Variants in WDR7 observed in about 807,000 individuals in gnomAD.
WDR7 encodes WD repeat-containing protein 7.
A neutral mutation model predicts 169.4 loss-of-function variants in WDR7; 46 were observed. The observed-to-expected ratio is 0.27, with a 90% confidence interval of 0.21 to 0.35. The LOEUF is 0.35. Ranked by LOEUF, WDR7 falls within the 10% of genes least tolerant of loss-of-function variation. The probability of loss-of-function intolerance (pLI) is 1.00; values close to 1 mark genes in which losing one functional copy is unlikely to be tolerated. For missense variants in WDR7, 1,534 were observed against 1,859.3 expected (o/e 0.83, Z 3.22); for synonymous variants, 612 against 666.8 (o/e 0.92, Z 1.27).
chr18:56,762,652 A>G (rs2043996061), intron 16 of WDR7, among the ~76,000 whole-genome samples: 1 of 151,702 alleles, frequency 6.6e-6, no homozygotes, highest in South Asian at 2.1e-4. Context: ...TTTTTGCTTC[A>G]TCAGTCTTAC....
intron 26 of WDR7, among the ~76,000 whole-genome samples, chr18:56,965,330 A>G (rs1298830182): frequency 6.6e-6 from 1 of 152,118 alleles, no homozygotes; most frequent in African/African-American, 2.4e-5. Flanking sequence ...CCCATGACTG[A>G]GAGACTGAAG....
chr18:56,791,640 A>G (rs2044486887), intron 19 of WDR7, among the ~76,000 whole-genome samples: 1 of 152,190 alleles, frequency 6.6e-6, no homozygotes, highest in African/African-American at 2.4e-5. Flanking sequence ...GTCTTAATCT[A>G]AAGAGCCATG....
chr18:56,995,863 T>A (rs1286470747), intron 26 of WDR7, among the ~76,000 whole-genome samples: 1 of 152,200 alleles, frequency 6.6e-6, no homozygotes, highest in Non-Finnish European at 1.5e-5. Context: ...CAAGGCATTG[T>A]CATGGAGATA....
In WDR7 at chr18:56,908,832, T is replaced by C. The variant is rs895338469; in HGVS notation, c.3527-15090T>C. Among the ~76,000 whole-genome samples, 9 of 152,200 alleles carry C rather than the reference T, an allele frequency of 5.9e-5. No homozygotes were observed. The South Asian group carries it at 8.3e-4, about 14-fold the overall frequency. On this transcript the variant is annotated intron_variant, in intron 21 of 27. Coordinates refer to ENST00000254442, the MANE Select transcript of WDR7 (RefSeq NM_015285.3). ...CTCTTTCCTTCCCATCATTCAATCA[T>C]TGCACTGTTTTTTCTTAGTTTGATA...
chr18:56,893,556 C>A (rs117049146), intron 21 of WDR7, among the ~76,000 whole-genome samples: 2,117 of 152,082 alleles, frequency 0.014, 30 homozygotes, highest in East Asian at 0.036. Context: ...GAGTCCAAGT[C>A]TATTTTGTTT....
At chr18:56,821,341 T>C (rs1200198525) in intron 20 of WDR7, among the ~76,000 whole-genome samples, 1 of 152,174 alleles carries the variant, frequency 6.6e-6, no homozygotes, top group Non-Finnish European at 1.5e-5. Flanking sequence ...TTGAAGTAGA[T>C]ACTAATATAT....
chr18:56,818,569 G>T (rs1394259483), intron 20 of WDR7, among the ~76,000 whole-genome samples: 6 of 152,158 alleles, frequency 3.9e-5, no homozygotes, highest in Non-Finnish European at 5.9e-5. Flanking sequence ...TCCTTACCAT[G>T]TTGTCAAAGC....
At chr18:56,856,865 T>A (rs2045729448) in intron 20 of WDR7, among the ~76,000 whole-genome samples, 2 of 152,294 alleles carry the variant, frequency 1.3e-5, no homozygotes, top group South Asian at 4.1e-4. Context: ...CCACAGCTAT[T>A]CTAAAAGTTT....
At chr18:56,724,409 A>G (rs942328589) in intron 13 of WDR7, among the ~76,000 whole-genome samples, 8 of 151,576 alleles carry the variant, frequency 5.3e-5, no homozygotes, top group African/African-American at 1.9e-4. Context: ...GGGGGGTTTC[A>G]TCATGTTTGC....
chr18:56,898,486 G>A (rs1322771826), intron 21 of WDR7, among the ~76,000 whole-genome samples: 4 of 152,024 alleles, frequency 2.6e-5, no homozygotes, highest in Non-Finnish European at 1.5e-5. Context: ...ACTGTAATTC[G>A]TTAGCTTAAA....
At chr18:56,739,836 C>T (rs2043587797) in intron 14 of WDR7, among the ~76,000 whole-genome samples, 1 of 147,628 alleles carries the variant, frequency 6.8e-6, no homozygotes, top group Non-Finnish European at 1.5e-5. Context: ...CTATTTTTCC[C>T]TTGTTTTTTA....
At chr18:56,723,713 G>A (rs552788872) in intron 13 of WDR7, among the ~76,000 whole-genome samples, 7 of 152,022 alleles carry the variant, frequency 4.6e-5, no homozygotes, top group Admixed American at 1.3e-4. Flanking sequence ...TATTGGATCC[G>A]TGGCTGTGTA....
chr18:56,682,980 C>T, intron 5 of WDR7, 127 bp downstream of exon 5: 1 of 1,005,638 alleles, frequency 9.9e-7, no homozygotes, highest in Non-Finnish European at 1.4e-6. Flanking sequence ...ATAACTACAC[C>T]AATAATTTAT....
intron 25 of WDR7, among the ~76,000 whole-genome samples, chr18:56,953,194 A>G (rs765583607): frequency 7.2e-5 from 11 of 152,314 alleles, no homozygotes; most frequent in Non-Finnish European, 1.5e-4. Flanking sequence ...ATTTTAAAAC[A>G]TCTCTAAAAA....
chr18:56,840,599 TC>T (rs1180545869), intron 20 of WDR7, among the ~76,000 whole-genome samples: 1 of 152,098 alleles, frequency 6.6e-6, no homozygotes, highest in Non-Finnish European at 1.5e-5. Context: ...GGCAGGTGGA[TC>T]ATTTGAGCCC....
chr18:56,785,410 T>C (rs2044383430), intron 19 of WDR7, among the ~76,000 whole-genome samples: 1 of 152,200 alleles, frequency 6.6e-6, no homozygotes, highest in African/African-American at 2.4e-5. Flanking sequence ...ATACCACCCA[T>C]CAGATATTTT....
intron 13 of WDR7, 77 bp from the exon 14 acceptor site, chr18:56,731,306 A>C (rs2026581033): frequency 6.7e-7 from 1 of 1,493,050 alleles, no homozygotes; most frequent in African/African-American, 1.4e-5. Context: ...AAAAATTTTC[A>C]TACCATTTTT....
At chr18:57,017,441 T>C (rs201868112) in intron 26 of WDR7, among the ~76,000 whole-genome samples, 1 of 133,888 alleles carries the variant, frequency 7.5e-6, no homozygotes, top group Non-Finnish European at 1.7e-5. Context: ...TGTGTGTGTG[T>C]GTGCATGTGT....
Position 56,879,966 on chromosome 18 carries a change from A to G in WDR7, c.3327A>G (p.Gln1109=), listed in dbSNP as rs778839579. 6.2e-7 allele frequency: 1 copy of G among 1,613,942 alleles called. No homozygotes were observed. The highest frequency in any genetic ancestry group is 8.5e-7 in the Non-Finnish European group (1 of 1,179,932). ...ITTGCLSSVP[Q]MKKISTSYEE... Reference sequence around the variant, plus strand: ...CAGGTTGCTTATCAAGTGTCCCACAAATGAAAAAAATTTCTACATCTTACG... The same window carrying G: ...CAGGTTGCTTATCAAGTGTCCCACAGATGAAAAAAATTTCTACATCTTACG... The change falls in exon 21 of 28, where the codon CAA becomes CAG. Residue 1109 remains glutamine (Q), a synonymous_variant. Transcript: ENST00000254442.
Sources: gnomAD v4.1 joint callset for allele counts (sites outside exome capture counted in the v4.1 genomes callset) on GRCh38, gnomAD v4.1.1 for gene constraint, MANE v1.5 for transcripts, NCBI Gene and HGNC (gene_info 2026-07-23, HGNC 2026-07-21) for gene names.